The following SLC30A6 variants were observed in gnomAD, a reference collection of about 807,000 sequenced individuals.
SLC30A6 encodes zinc transporter 6.
SLC30A6 carries 55 observed loss-of-function variants against 63.0 expected under a neutral mutation model. That is an observed-to-expected ratio of 0.87 (90% CI 0.70 to 1.09). SLC30A6 has a LOEUF of 1.09. Ranked by LOEUF, SLC30A6 falls within the 50% of genes least tolerant of loss-of-function variation. The pLI, the probability that SLC30A6 is intolerant of heterozygous loss-of-function variation, is 0.00. For synonymous variants in SLC30A6, 224 were observed against 186.1 expected (o/e 1.20, Z -1.66); for missense variants, 587 against 549.2 (o/e 1.07, Z -0.69).
chr2:32,171,714 T>A (rs1162502555), intron 2 of SLC30A6, among the ~76,000 whole-genome samples: 1 of 151,272 alleles, frequency 6.6e-6, no homozygotes, highest in Non-Finnish European at 1.5e-5. Flanking sequence ...TTTTTTGAGA[T>A]GAAGTTACAC....
intron 13 of SLC30A6, among the ~76,000 whole-genome samples, chr2:32,215,514 A>AT (rs1416935249): frequency 0.03 from 2,751 of 90,496 alleles, 31 homozygotes; most frequent in Middle Eastern, 0.041. Flanking sequence ...ATATATATAT[A>AT]TATTTTTTTT....
chr2:32,177,491 C>A, intron 4 of SLC30A6: 1 of 248,464 alleles, frequency 4.0e-6, no homozygotes, highest in Admixed American at 5.2e-5. Context: ...GGGGTTTCAC[C>A]ATTTTGGCTG....
At chr2:32,197,268 A>G in intron 8 of SLC30A6, 76 bp from the exon 9 acceptor site, 3 of 1,330,646 alleles carry the variant, frequency 2.3e-6, no homozygotes, top group South Asian at 1.4e-5. Flanking sequence ...ATTTTTTAAA[A>G]TTAAAGAACT....
At position 32,195,979 on chromosome 2, in the gene SLC30A6, GT is replaced by G. The variant is rs567556754; in HGVS notation, c.497-1362del. ...GTGGTTGTATTGCTTGAGTTCAGGA[GT>G]TTGAGTTCAGCCTGGGAAACATAGC... On this transcript the variant is annotated intron_variant, in intron 8 of 13. Transcript: ENST00000282587. Among the ~76,000 whole-genome samples, 992 of 152,188 alleles carry G rather than the reference GT, an allele frequency of 6.5e-3. 7 individuals are homozygous for G. The highest frequency in any genetic ancestry group is 0.011 in the Non-Finnish European group (730 of 68,006).
At chr2:32,166,365 C>T (rs1285126032) in intron 1 of SLC30A6, among the ~76,000 whole-genome samples, 1 of 151,608 alleles carries the variant, frequency 6.6e-6, no homozygotes, top group East Asian at 1.9e-4. Flanking sequence ...TGCAACTTGG[C>T]TTTACTAAAT....
chr2:32,179,549 C>T (rs750932985), intron 4 of SLC30A6, among the ~76,000 whole-genome samples: 7 of 152,198 alleles, frequency 4.6e-5, no homozygotes, highest in Non-Finnish European at 8.8e-5. Flanking sequence ...ATTTGCATTT[C>T]TAGCAACAGA....
chr2:32,205,164 T>C (rs1003745329), intron 11 of SLC30A6, among the ~76,000 whole-genome samples: 26 of 152,160 alleles, frequency 1.7e-4, no homozygotes, highest in African/African-American at 5.6e-4. Context: ...CTCACGCTTG[T>C]AATCCCAGCA....
intron 5 of SLC30A6, among the ~76,000 whole-genome samples, chr2:32,187,769 C>G (rs1340765567): frequency 6.6e-6 from 1 of 152,140 alleles, no homozygotes; most frequent in African/African-American, 2.4e-5. Flanking sequence ...CACTCTGTTG[C>G]TCAAACAAAA....
In SLC30A6 at chr2:32,209,580, G is replaced by T. The variant is rs756149061; in HGVS notation, c.885+19G>T. 1 of 1,565,484 alleles carries T rather than the reference G, an allele frequency of 6.4e-7. No individual in the cohort carries two copies. The highest frequency in any genetic ancestry group is 1.2e-5 in the South Asian group (1 of 84,648). Reference sequence around the variant, plus strand: ...CTCATTGGTATGTTCTTTTACATATGACTTTAGTTATAATTTAAAATATAG... The same window carrying T: ...CTCATTGGTATGTTCTTTTACATATTACTTTAGTTATAATTTAAAATATAG... On this transcript the variant is annotated intron_variant, in intron 13 of 13. Transcript: ENST00000282587.
intron 10 of SLC30A6, 102 bp downstream of exon 10, chr2:32,197,928 T>G: frequency 7.2e-6 from 10 of 1,384,262 alleles, no homozygotes; most frequent in Non-Finnish European, 9.9e-6. Context: ...GCAGTTTCGC[T>G]TATGTCCTGT....
At chr2:32,200,181 C>G (rs1401479127) in intron 10 of SLC30A6, among the ~76,000 whole-genome samples, 1 of 151,356 alleles carries the variant, frequency 6.6e-6, no homozygotes, top group Non-Finnish European at 1.5e-5. Context: ...TGCTGCTGTC[C>G]CTATTAAGAC....
At chr2:32,204,529 T>G (rs1684571714) in intron 10 of SLC30A6, 61 bp from the exon 11 acceptor site, 1 of 1,139,062 alleles carries the variant, frequency 8.8e-7, no homozygotes, top group Non-Finnish European at 1.3e-6. Context: ...TTCAGGAGAT[T>G]TAATTGTAAT....
intron 10 of SLC30A6, among the ~76,000 whole-genome samples, chr2:32,198,470 C>G (rs1436438817): frequency 6.6e-6 from 1 of 152,184 alleles, no homozygotes; most frequent in Non-Finnish European, 1.5e-5. Context: ...TCCCTTAACT[C>G]TGAAACTGTT....
At chr2:32,175,237 T>TG (rs1681624123) in intron 3 of SLC30A6, 82 bp from the exon 4 acceptor site, 10 of 1,343,738 alleles carry the variant, frequency 7.4e-6, no homozygotes, top group Non-Finnish European at 1.1e-5. Context: ...TGGATACCCC[T>TG]GGTAGAAATA....
At chr2:32,173,769 T>C (rs1023811863) in intron 2 of SLC30A6, among the ~76,000 whole-genome samples, 12 of 152,330 alleles carry the variant, frequency 7.9e-5, no homozygotes, top group South Asian at 2.1e-4. Flanking sequence ...TATGTACTTA[T>C]AGAGACAAAA....
chr2:32,170,579 G>T (rs1681112957), intron 1 of SLC30A6, among the ~76,000 whole-genome samples: 1 of 152,224 alleles, frequency 6.6e-6, no homozygotes, highest in African/African-American at 2.4e-5. Flanking sequence ...AATCTCAGGG[G>T]TTTTACTATA....
At position 32,201,465 on chromosome 2, in the gene SLC30A6, C is replaced by G. The variant is rs1048123829; in HGVS notation, c.666-3125C>G. 4 of 423,654 alleles carry G rather than the reference C, an allele frequency of 9.4e-6. No individual in the cohort carries two copies. In the East Asian group the frequency reaches 1.7e-4, roughly 18 times the overall value. The allele number at this position is 423,654 out of a possible 1,614,324, so 26.2% of individuals were successfully genotyped here. ...TTACTGATAGATTCCATTAGTCTTT[C>G]TGTATCAAAAATTACTAGTTGAATG... On this transcript the variant is annotated intron_variant, in intron 10 of 13. Coordinates refer to ENST00000282587, the MANE Select transcript of SLC30A6 (RefSeq NM_017964.5).
intron 2 of SLC30A6, among the ~76,000 whole-genome samples, chr2:32,172,352 T>C (rs1291905625): frequency 6.6e-6 from 1 of 152,166 alleles, no homozygotes; most frequent in East Asian, 1.9e-4. Flanking sequence ...ACTTAGATTC[T>C]ATGCTCCATC....
rs146527291 is a variant in SLC30A6, at chr2:32,210,740, T to G, written c.885+1179T>G. ...AGCAGTTCAATGATATTACCCACTT[T>G]GCAGTCTTTAGTTTCAGGCTATGCT... On this transcript the variant is annotated intron_variant, in intron 13 of 13. Coordinates refer to ENST00000282587, the MANE Select transcript of SLC30A6 (RefSeq NM_017964.5). Among the ~76,000 whole-genome samples, 792 of 152,244 alleles carry G rather than the reference T, an allele frequency of 5.2e-3. 6 individuals carry two copies. The highest frequency in any genetic ancestry group is 0.017 in the African/African-American group (721 of 41,534).
Sources: allele counts gnomAD v4.1 joint callset (sites outside exome capture counted in the v4.1 genomes callset), GRCh38; gene constraint gnomAD v4.1.1; transcripts MANE v1.5; gene names NCBI Gene and HGNC (gene_info 2026-07-23, HGNC 2026-07-21).